The following TRPC5 variants were observed in gnomAD, a reference collection of about 807,000 sequenced individuals.
TRPC5 encodes transient receptor potential cation channel subfamily C member 5.
Under a neutral mutation model 56.5 loss-of-function variants are expected in TRPC5, and 9 were observed. That is an observed-to-expected ratio of 0.16 (90% confidence interval 0.10 to 0.28). The LOEUF is 0.28. Among genes scored for constraint, TRPC5 ranks in the 10% least tolerant of loss-of-function variants. TRPC5 has a pLI of 1.00. For synonymous variants in TRPC5, 282 were observed against 278.5 expected (o/e 1.01, Z -0.13); for missense variants, 469 against 748.9 (o/e 0.63, Z 4.36).
In TRPC5 at chrX:111,957,674, C is replaced by G. The variant is rs1927272013; in HGVS notation, c.-21-5233G>C. Among the ~76,000 whole-genome samples the G allele has an allele frequency of 3.6e-5, 4 of 111,600 alleles. No homozygotes were observed. The South Asian group carries it at 1.5e-3, about 42-fold the overall frequency. ...ATGCTCCACAAAATCTATGAGAGTG[C>G]CAGCAATAGTAGATATTCAGTGTTT... On this transcript the variant is annotated intron_variant, in intron 1 of 10. Transcript: ENST00000262839.
In TRPC5 at chrX:111,775,416, G is replaced by A. The variant is rs919647255; in HGVS notation, c.*897C>T. 1.8e-5 allele frequency: 2 copies of A among 112,024 alleles called. No homozygotes were observed. Among genetic ancestry groups the A allele is most frequent in the Admixed American group, 9.5e-5 (1 of 10,541 alleles). The allele number at this position is 112,024 out of a possible 1,213,427, so 9.2% of individuals were successfully genotyped here. A position where few individuals can be genotyped will look rare whatever the true frequency, so the allele number is the denominator to read the frequency against. On this transcript the variant is annotated 3_prime_UTR_variant, in exon 11 of 11. Transcript: ENST00000262839. ...GCAATGATAATTAAAACTATCAACAGTAGAATAGGACCCAACAAATATGAC... is the reference window on the plus strand; with the variant it reads ...GCAATGATAATTAAAACTATCAACAATAGAATAGGACCCAACAAATATGAC...
At chrX:112,052,440 G>C (rs1435553225) in intron 1 of TRPC5, among the ~76,000 whole-genome samples, 1 of 111,054 alleles carries the variant, frequency 9.0e-6, no homozygotes, top group Non-Finnish European at 1.9e-5. Context: ...ATATATATTT[G>C]AGTCCTTTGT....
At chrX:111,873,733 G>A (rs1280933176) in intron 3 of TRPC5, among the ~76,000 whole-genome samples, 2 of 110,515 alleles carry the variant, frequency 1.8e-5, no homozygotes, top group African/African-American at 3.3e-5. Flanking sequence ...GCAGTGAGCC[G>A]AGATCGCACC....
At position 111,911,160 on chromosome X, in the gene TRPC5, T is replaced by C. The variant is rs565220246; in HGVS notation, c.900+1131A>G. ...TTTTGCCTGAGAAAAAGGGACCAGATAAACACACAATGACGTTTGCCTCAG... is the reference window on the plus strand; with the variant it reads ...TTTTGCCTGAGAAAAAGGGACCAGACAAACACACAATGACGTTTGCCTCAG... On this transcript the variant is annotated intron_variant, in intron 3 of 10. Transcript: ENST00000262839. Among the ~76,000 whole-genome samples, 6 of 88,515 alleles carry C rather than the reference T, an allele frequency of 6.8e-5. No homozygotes were observed. In the Admixed American group the frequency reaches 8.1e-4, roughly 12 times the overall value. 76.9% of individuals were successfully genotyped at this position (88,515 alleles called of 115,157 possible). A position where few individuals can be genotyped will look rare whatever the true frequency, so the allele number is the denominator to read the frequency against.
At chrX:112,063,166 T>G (rs1434012851) in intron 1 of TRPC5, among the ~76,000 whole-genome samples, 1 of 111,589 alleles carries the variant, frequency 9.0e-6, no homozygotes, top group Non-Finnish European at 1.9e-5. Flanking sequence ...TCTCAGTGCA[T>G]TTCATATAAT....
intron 6 of TRPC5, among the ~76,000 whole-genome samples, chrX:111,835,395 A>G (rs768806172): frequency 8.9e-6 from 1 of 112,296 alleles, no homozygotes; most frequent in South Asian, 3.7e-4. Flanking sequence ...GGCTTATTTC[A>G]AGAGCTATTT....
intron 1 of TRPC5, among the ~76,000 whole-genome samples, chrX:111,980,986 T>C (rs1489441596): frequency 1.9e-5 from 2 of 107,537 alleles, no homozygotes; most frequent in Non-Finnish European, 3.8e-5. Flanking sequence ...AATTTATATG[T>C]ATATGTATAT....
At chrX:111,934,475 C>G (rs1926508891) in intron 2 of TRPC5, among the ~76,000 whole-genome samples, 1 of 111,277 alleles carries the variant, frequency 9.0e-6, no homozygotes, top group Non-Finnish European at 1.9e-5. Flanking sequence ...GTGTTACAGA[C>G]ATTCCAATAT....
At chrX:111,824,221 C>A (rs1462197403) in intron 7 of TRPC5, among the ~76,000 whole-genome samples, 1 of 87,761 alleles carries the variant, frequency 1.1e-5, no homozygotes, top group East Asian at 3.2e-4. Flanking sequence ...CAGAGCAAGA[C>A]CCTGTCTCAA....
chrX:111,813,098 C>T (rs746236121), intron 7 of TRPC5, among the ~76,000 whole-genome samples: 3 of 112,074 alleles, frequency 2.7e-5, no homozygotes, highest in Non-Finnish European at 5.6e-5. Flanking sequence ...CCTACCCTCT[C>T]TACCCAACTA....
At chrX:111,850,652 T>A (rs935011763) in intron 5 of TRPC5, among the ~76,000 whole-genome samples, 1 of 112,111 alleles carries the variant, frequency 8.9e-6, no homozygotes, top group Non-Finnish European at 1.9e-5. Context: ...GGCAAAGGTC[T>A]CCTTTGAATA....
intron 3 of TRPC5, among the ~76,000 whole-genome samples, chrX:111,858,652 G>C (rs1030739823): frequency 9.0e-6 from 1 of 110,660 alleles, no homozygotes; most frequent in African/African-American, 3.3e-5. Flanking sequence ...AATATCCCTC[G>C]AGTCTGCTTT....
intron 3 of TRPC5, among the ~76,000 whole-genome samples, chrX:111,862,940 T>C (rs1603062203): frequency 8.9e-6 from 1 of 112,394 alleles, no homozygotes; most frequent in Admixed American, 9.4e-5. Context: ...TTTTTAATGC[T>C]ACTGTAAATG....
chrX:111,769,980 G>C lies in TRPC5; in HGVS notation c.*6333C>G, dbSNP rs1381099995. Among the ~76,000 whole-genome samples, 2 of 111,795 alleles carry C rather than the reference G, an allele frequency of 1.8e-5. No individual in the cohort carries two copies. Among genetic ancestry groups the C allele is most frequent in the East Asian group, 5.6e-4 (2 of 3,578 alleles). ...TTTCAAAAGCAGAAGTCCAAAGTGG[G>C]TAGAGTAATGGCAGCATCATTAGAA... On this transcript the variant is annotated 3_prime_UTR_variant, in exon 11 of 11. Coordinates refer to ENST00000262839, the MANE Select transcript of TRPC5 (RefSeq NM_012471.3).
chrX:111,886,749 C>T lies in TRPC5; in HGVS notation c.900+25542G>A, dbSNP rs779035299. 6.3e-5 allele frequency among the ~76,000 whole-genome samples: 7 copies of T among 111,887 alleles called. No individual in the cohort carries two copies. The South Asian group carries it at 1.9e-3, about 30-fold the overall frequency. ...TGTGGATTCAATTGCCAGAAGGTAC[C>T]GAGGACTTGGCTTGCCTTTTTCTGA... On this transcript the variant is annotated intron_variant, in intron 3 of 10. Coordinates refer to ENST00000262839, the MANE Select transcript of TRPC5 (RefSeq NM_012471.3).
At chrX:112,067,889 A>T (rs1042096338) in intron 1 of TRPC5, among the ~76,000 whole-genome samples, 7 of 112,272 alleles carry the variant, frequency 6.2e-5, no homozygotes, top group African/African-American at 1.9e-4. Flanking sequence ...AAGTTAACCG[A>T]ATCCTTGATG....
intron 3 of TRPC5, among the ~76,000 whole-genome samples, chrX:111,876,927 G>T (rs1043744227): frequency 9.0e-6 from 1 of 111,394 alleles, no homozygotes; most frequent in African/African-American, 3.3e-5. Context: ...GTGTCATATT[G>T]TGTAGTCATC....
At chrX:111,967,634 A>C (rs1177531994) in intron 1 of TRPC5, among the ~76,000 whole-genome samples, 4 of 111,840 alleles carry the variant, frequency 3.6e-5, no homozygotes, top group South Asian at 3.8e-4. Flanking sequence ...GATACAGATC[A>C]ATGGAACAGA....
chrX:111,963,030 G>T (rs1429248859), intron 1 of TRPC5, among the ~76,000 whole-genome samples: 2 of 112,195 alleles, frequency 1.8e-5, no homozygotes, highest in Non-Finnish European at 3.8e-5. Context: ...GCGAGGCATT[G>T]CCTCACTCGG....
Sources: gnomAD v4.1 joint callset for allele counts (sites outside exome capture counted in the v4.1 genomes callset) on GRCh38, gnomAD v4.1.1 for gene constraint, MANE v1.5 for transcripts, NCBI Gene and HGNC (gene_info 2026-07-23, HGNC 2026-07-21) for gene names.